Variants in METTL21A observed in about 807,000 individuals in gnomAD.
The protein encoded by METTL21A is methyltransferase 21A, HSPA lysine.
Under a neutral mutation model 20.9 loss-of-function variants are expected in METTL21A, and 22 were observed. That is an observed-to-expected ratio of 1.05 (90% CI 0.75 to 1.50). The LOEUF (loss-of-function observed/expected upper bound fraction) is 1.50, where lower values mean the gene tolerates loss of function less well. Ranked by LOEUF, METTL21A falls within the 40% of genes most tolerant of loss-of-function variation. The pLI, the probability that METTL21A is intolerant of heterozygous loss-of-function variation, is 0.00. For synonymous variants in METTL21A, 93 were observed against 102.0 expected (o/e 0.91, Z 0.53); for missense variants, 271 against 266.8 (o/e 1.02, Z -0.11).
exon 4 of METTL21A, chr2:207,581,818 G>A (rs1455591348): frequency 2.3e-5 from 16 of 699,594 alleles, no homozygotes; most frequent in East Asian, 5.4e-5. Flanking sequence ...GTACCATATC[G>A]CATTTAATTA....
chr2:207,584,263 A>T lies in METTL21A; in HGVS notation c.260-2103T>A, dbSNP rs949939002. Among the ~76,000 whole-genome samples, 17 of 152,360 alleles carry T rather than the reference A, an allele frequency of 1.1e-4. 1 individual carries two copies. In the South Asian group the frequency reaches 3.1e-3, roughly 28 times the overall value. Reference sequence around the variant, plus strand: ...TTTTCCAAAATGGCTGTACCATTTTATATTCCCACCAGGAATGTATGAGAG... The same window carrying T: ...TTTTCCAAAATGGCTGTACCATTTTTTATTCCCACCAGGAATGTATGAGAG... On this transcript the variant is annotated intron_variant, in intron 3 of 3. Coordinates refer to the METTL21A transcript ENST00000425132.
chr2:207,604,717 TA>T (rs976778519), downstream of METTL21A, among the ~76,000 whole-genome samples: 170 of 152,186 alleles, frequency 1.1e-3, no homozygotes, highest in African/African-American at 3.6e-3. Context: ...ACTCCAAAAG[TA>T]AAGTCCCGTT....
chr2:207,591,890 C>G (rs1484523181), intron 3 of METTL21A, among the ~76,000 whole-genome samples: 1 of 152,144 alleles, frequency 6.6e-6, no homozygotes, highest in Non-Finnish European at 1.5e-5. Context: ...GATTGGCAAA[C>G]TATGGCACAA....
chr2:207,625,009 A>G (rs1250102271), intron 1 of METTL21A, 53 bp downstream of exon 1: 2 of 152,328 alleles, frequency 1.3e-5, no homozygotes, highest in African/African-American at 4.8e-5. Flanking sequence ...TCGCGGGGAC[A>G]GCGGGGACTC....
Position 207,601,856 on chromosome 2 carries a change from T to A in METTL21A, c.260-19696A>T, listed in dbSNP as rs1203292104. 1.8e-5 allele frequency: 4 copies of A among 217,378 alleles called. No homozygotes were observed. The East Asian group carries it at 2.7e-4, about 15-fold the overall frequency. The allele number at this position is 217,378 out of a possible 1,614,324, so 13.5% of individuals were successfully genotyped here. A position where few individuals can be genotyped will look rare whatever the true frequency, so the allele number is the denominator to read the frequency against. On this transcript the variant is annotated intron_variant, in intron 3 of 3. Coordinates refer to the METTL21A transcript ENST00000425132. ...GTTGTACAAAGCACAACTAGAACTT[T>A]TTGTTGGGAGGCTTACATACATCTT...
At chr2:207,584,349 G>A (rs978964668) in intron 3 of METTL21A, among the ~76,000 whole-genome samples, 1 of 151,964 alleles carries the variant, frequency 6.6e-6, no homozygotes, top group African/African-American at 2.4e-5. Context: ...TTGTCCCCCA[G>A]CTCTAGAACT....
At chr2:207,584,551 C>T (rs2083476798) in intron 3 of METTL21A, among the ~76,000 whole-genome samples, 1 of 152,098 alleles carries the variant, frequency 6.6e-6, no homozygotes. Context: ...ATTACAGGCA[C>T]CTGCCACCAC....
At position 207,599,843 on chromosome 2, in the gene METTL21A, A is replaced by G. The variant is rs568757174; in HGVS notation, c.260-17683T>C. ...CAGTAATAAATGTTTTTCTCTTTAT[A>G]TTGGCCAAAAGGGAATAAAAATGTC... On this transcript the variant is annotated intron_variant, in intron 3 of 3. Coordinates refer to the METTL21A transcript ENST00000425132. 3 of 193,964 alleles carry G rather than the reference A, an allele frequency of 1.5e-5. No homozygotes were observed. In the East Asian group the frequency reaches 2.4e-4, roughly 16 times the overall value. 12.0% of individuals were successfully genotyped at this position (193,964 alleles called of 1,614,324 possible).
intron 3 of METTL21A, among the ~76,000 whole-genome samples, chr2:207,587,554 A>G (rs897102913): frequency 3.9e-5 from 6 of 152,206 alleles, no homozygotes; most frequent in Admixed American, 3.9e-4. Flanking sequence ...ATCCATCAAC[A>G]TATGAATGGA....
intron 3 of METTL21A, among the ~76,000 whole-genome samples, chr2:207,585,013 G>A (rs920287591): frequency 1.3e-5 from 2 of 151,720 alleles, no homozygotes; most frequent in African/African-American, 2.4e-5. Flanking sequence ...ACTTACACAC[G>A]TCTAGGAGCC....
chr2:207,585,982 C>T (rs988304958), intron 3 of METTL21A, among the ~76,000 whole-genome samples: 5 of 152,040 alleles, frequency 3.3e-5, no homozygotes, highest in Admixed American at 2.6e-4. Flanking sequence ...CCTCCCATGT[C>T]TTGAGAGAGA....
At chr2:207,592,678 T>C (rs541124289) in intron 3 of METTL21A, among the ~76,000 whole-genome samples, 1 of 152,124 alleles carries the variant, frequency 6.6e-6, no homozygotes, top group South Asian at 2.1e-4. Context: ...CCCAGCACTT[T>C]GGGAGACCAA....
intron 3 of METTL21A, among the ~76,000 whole-genome samples, chr2:207,591,665 TCAA>T (rs2085061373): frequency 1.3e-5 from 2 of 152,186 alleles, no homozygotes; most frequent in Non-Finnish European, 2.9e-5. Context: ...ACTCCTGACC[TCAA>T]GTTATCCGCT....
intron 3 of METTL21A, among the ~76,000 whole-genome samples, chr2:207,617,571 C>CGATAACAA (rs2089940945): frequency 6.6e-6 from 1 of 152,170 alleles, no homozygotes; most frequent in African/African-American, 2.4e-5. Flanking sequence ...AGGCAGGATG[C>CGATAACAA]GATAACAAAG....
intron 3 of METTL21A, among the ~76,000 whole-genome samples, chr2:207,595,100 A>G (rs1275375230): frequency 6.8e-6 from 1 of 146,296 alleles, no homozygotes; most frequent in Non-Finnish European, 1.5e-5. Context: ...GGTTTAAGTG[A>G]TTCTCCTGCC....
chr2:207,595,571 A>C (rs571921129), intron 3 of METTL21A, among the ~76,000 whole-genome samples: 12 of 151,702 alleles, frequency 7.9e-5, no homozygotes, highest in African/African-American at 2.4e-4. Context: ...CACCTAACTA[A>C]TTTTTAATTG....
chr2:207,597,292 G>A (rs1381377286), intron 3 of METTL21A: 1 of 423,778 alleles, frequency 2.4e-6, no homozygotes, highest in Non-Finnish European at 4.1e-6. Context: ...ATCATGAAGA[G>A]ACTTCTGCTT....
downstream of METTL21A, among the ~76,000 whole-genome samples, chr2:207,608,669 C>T (rs2088495717): frequency 1.3e-5 from 2 of 152,180 alleles, no homozygotes; most frequent in African/African-American, 2.4e-5. Flanking sequence ...CGGTGGCTCA[C>T]GCCTGTAATC....
At chr2:207,601,811 T>A (rs1056189737) in intron 3 of METTL21A, 2 of 219,012 alleles carry the variant, frequency 9.1e-6, no homozygotes, top group South Asian at 1.9e-4. Flanking sequence ...TGAAGAGTTG[T>A]GAGATAAATA....
Sources: allele counts gnomAD v4.1 joint callset (sites outside exome capture counted in the v4.1 genomes callset), GRCh38; gene constraint gnomAD v4.1.1; transcripts MANE v1.5; gene names NCBI Gene and HGNC (gene_info 2026-07-23, HGNC 2026-07-21).